MCC: variants seen among roughly 807,000 people sequenced by gnomAD.
The protein encoded by MCC is colorectal mutant cancer protein.
In MCC, 90 loss-of-function variants were observed where a neutral mutation model predicts 116.2. The ratio of observed to expected loss-of-function variants is 0.77; its 90% CI spans 0.65 to 0.92. MCC has a LOEUF of 0.92. Among genes scored for constraint, MCC ranks in the 40% least tolerant of loss-of-function variants. The pLI is 0.00. For missense variants in MCC, 1,516 were observed against 1,312.2 expected (o/e 1.16, Z -2.40); for synonymous variants, 578 against 510.5 (o/e 1.13, Z -1.78).
intron 1 of MCC, among the ~76,000 whole-genome samples, chr5:113,459,842 A>ACACACACACACACACG (rs1771697213): frequency 6.6e-6 from 1 of 151,926 alleles, no homozygotes; most frequent in Non-Finnish European, 1.5e-5. Context: ...ACACACACAC[A>ACACACACACACACACG]CACACACACA....
chr5:113,367,951 G>A (rs909280943), intron 2 of MCC, among the ~76,000 whole-genome samples: 3 of 152,122 alleles, frequency 2.0e-5, no homozygotes, highest in Admixed American at 1.3e-4. Context: ...TAAGTAAAAG[G>A]ACTATAGCAG....
intron 1 of MCC, chr5:113,433,442 G>A (rs1398160472): frequency 6.6e-6 from 4 of 603,592 alleles, no homozygotes; most frequent in South Asian, 3.7e-5. Flanking sequence ...GAGCCGTTGC[G>A]GCCAGTGGGG....
chr5:113,148,397 A>G (rs1759653731), intron 4 of MCC, among the ~76,000 whole-genome samples: 1 of 152,256 alleles, frequency 6.6e-6, no homozygotes, highest in Non-Finnish European at 1.5e-5. Flanking sequence ...GAGCATAAAT[A>G]AGACACCTTC....
intron 3 of MCC, among the ~76,000 whole-genome samples, chr5:113,287,079 TG>T (rs71626680): frequency 0.015 from 2,356 of 152,242 alleles, 19 homozygotes; most frequent in Non-Finnish European, 0.023. Flanking sequence ...GGCAGATATA[TG>T]GGGGAGGAAA....
intron 11 of MCC, among the ~76,000 whole-genome samples, chr5:113,075,193 G>C (rs1046572652): frequency 6.6e-6 from 1 of 152,220 alleles, no homozygotes; most frequent in South Asian, 2.1e-4. Flanking sequence ...AGCAGCTGTG[G>C]AGGGTGCACC....
At chr5:113,081,553 T>C (rs1437177166) in intron 11 of MCC, among the ~76,000 whole-genome samples, 1 of 152,070 alleles carries the variant, frequency 6.6e-6, no homozygotes, top group Non-Finnish European at 1.5e-5. Flanking sequence ...AAGCCCAGAA[T>C]CTGTAGAGAG....
At position 113,120,998 on chromosome 5, in the gene MCC, C is replaced by T. The variant is rs554574230; in HGVS notation, c.1027+1686G>A. Among the ~76,000 whole-genome samples the T allele has an allele frequency of 2.1e-3, 321 of 152,362 alleles. 1 individual carries two copies. The highest frequency in any genetic ancestry group is 7.4e-3 in the African/African-American group (309 of 41,592). On this transcript the variant is annotated intron_variant, in intron 6 of 18. Transcript: ENST00000408903. The stretch of plus-strand genomic sequence containing the variant: ...AAAGCAAAACCACCTGGTCCTACTT[C>T]CTATGTGCCCTATTGGCGAATGGCC...
chr5:113,374,119 C>G (rs1216239376), intron 2 of MCC, among the ~76,000 whole-genome samples: 1 of 152,118 alleles, frequency 6.6e-6, no homozygotes, highest in Non-Finnish European at 1.5e-5. Flanking sequence ...TCTTGAACCC[C>G]TGAGCTCAAG....
At chr5:113,254,698 T>C (rs1241405586) in intron 3 of MCC, among the ~76,000 whole-genome samples, 1 of 152,202 alleles carries the variant, frequency 6.6e-6, no homozygotes, top group Non-Finnish European at 1.5e-5. Context: ...TAGGATTCCA[T>C]CTTTATGGTG....
intron 8 of MCC, among the ~76,000 whole-genome samples, chr5:113,098,614 G>A (rs1416998059): frequency 1.3e-5 from 2 of 152,126 alleles, no homozygotes; most frequent in African/African-American, 4.8e-5. Flanking sequence ...ATTGCCTGTT[G>A]CTCCTTAGGT....
intron 3 of MCC, among the ~76,000 whole-genome samples, chr5:113,326,259 A>G (rs1767549660): frequency 1.3e-5 from 2 of 152,224 alleles, no homozygotes; most frequent in South Asian, 4.1e-4. Flanking sequence ...AGGACACATA[A>G]CATAAATCAT....
At chr5:113,473,578 A>G (rs2150432632) in intron 1 of MCC, among the ~76,000 whole-genome samples, 1 of 152,304 alleles carries the variant, frequency 6.6e-6, no homozygotes, top group Admixed American at 6.5e-5. Context: ...CTGTGTGGGC[A>G]ACTGTCCATC....
chr5:113,055,527 G>T (rs1752775766), intron 14 of MCC, among the ~76,000 whole-genome samples: 1 of 152,204 alleles, frequency 6.6e-6, no homozygotes, highest in African/African-American at 2.4e-5. Context: ...AGGGCTTGGG[G>T]TGGTCTTCAA....
chr5:113,413,380 G>T (rs1391520328), intron 1 of MCC, among the ~76,000 whole-genome samples: 3 of 152,160 alleles, frequency 2.0e-5, no homozygotes, highest in Non-Finnish European at 4.4e-5. Context: ...GGTAGAATTT[G>T]GCTGTGAATC....
chr5:113,092,204 T>A (rs1302764535), intron 8 of MCC, among the ~76,000 whole-genome samples: 2 of 151,884 alleles, frequency 1.3e-5, no homozygotes, highest in African/African-American at 4.8e-5. Flanking sequence ...GGGTAGAGTA[T>A]CATGGATCAT....
chr5:113,470,165 C>G (rs958205575), intron 1 of MCC, among the ~76,000 whole-genome samples: 9 of 151,880 alleles, frequency 5.9e-5, no homozygotes, highest in African/African-American at 1.9e-4. Context: ...TTAATTGGAG[C>G]ATTTAGCCCA....
chr5:113,282,260 C>G (rs923893376), intron 3 of MCC, among the ~76,000 whole-genome samples: 1 of 152,140 alleles, frequency 6.6e-6, no homozygotes, highest in Admixed American at 6.5e-5. Context: ...TATCCTGACC[C>G]CAATATGTCA....
At chr5:113,254,447 T>A (rs1764928555) in intron 3 of MCC, among the ~76,000 whole-genome samples, 2 of 152,166 alleles carry the variant, frequency 1.3e-5, no homozygotes, top group South Asian at 4.1e-4. Context: ...TTCAAAAAGT[T>A]TGTATAATCA....
intron 17 of MCC, among the ~76,000 whole-genome samples, chr5:113,034,621 C>G (rs1751202051): frequency 6.6e-6 from 1 of 152,240 alleles, no homozygotes; most frequent in African/African-American, 2.4e-5. Flanking sequence ...CCTAGAATTT[C>G]TTAGTAATTG....
Sources: gnomAD v4.1 joint callset for allele counts (sites outside exome capture counted in the v4.1 genomes callset) on GRCh38, gnomAD v4.1.1 for gene constraint, MANE v1.5 for transcripts, NCBI Gene and HGNC (gene_info 2026-07-23, HGNC 2026-07-21) for gene names.